Variants in RAB3B observed in about 807,000 individuals in gnomAD.
The protein encoded by RAB3B is RAB3B, member RAS oncogene family, also known as ras-related protein Rab-3B.
RAB3B carries 11 observed loss-of-function variants against 20.5 expected under a neutral mutation model. The ratio of observed to expected loss-of-function variants is 0.54; its 90% CI spans 0.34 to 0.89. The LOEUF (loss-of-function observed/expected upper bound fraction) is 0.89. RAB3B is among the 40% of genes least tolerant of loss of function. The pLI is 0.02. For missense variants in RAB3B, 225 were observed against 280.9 expected, an observed-to-expected ratio of 0.80 and a Z score of 1.42; for synonymous variants, 99 against 106.3, an observed-to-expected ratio of 0.93 and a Z score of 0.42.
chr1:51,915,208 A>C lies in RAB3B; in HGVS notation c.*4719T>G, dbSNP rs1684065382. 6.6e-6 allele frequency: 1 copy of C among 152,166 alleles called. No homozygotes were observed. Among genetic ancestry groups the C allele is most frequent in the African/African-American group, 2.4e-5 (1 of 41,420 alleles). 9.4% of individuals were successfully genotyped at this position (152,166 alleles called of 1,614,324 possible). ...ATTGGGATAATAATATTTTAGAAACAGCATCTCCATTAGATCATAGGACCT... is the reference window on the plus strand; with the variant it reads ...ATTGGGATAATAATATTTTAGAAACCGCATCTCCATTAGATCATAGGACCT... On this transcript the variant is annotated 3_prime_UTR_variant, in exon 5 of 5. Transcript: ENST00000371655.
intron 2 of RAB3B, among the ~76,000 whole-genome samples, chr1:51,940,465 A>G (rs1477828765): frequency 6.6e-6 from 1 of 152,134 alleles, no homozygotes; most frequent in Non-Finnish European, 1.5e-5. Context: ...TGTATTAAAA[A>G]TACAAAAGTT....
chr1:51,971,654 G>A (rs1342317696), intron 2 of RAB3B, among the ~76,000 whole-genome samples: 1 of 151,822 alleles, frequency 6.6e-6, no homozygotes, highest in East Asian at 1.9e-4. Context: ...GGCTAGTCTC[G>A]AACTCCTGAC....
chr1:51,963,583 A>G (rs1160005921), intron 2 of RAB3B, among the ~76,000 whole-genome samples: 3 of 152,212 alleles, frequency 2.0e-5, no homozygotes, highest in African/African-American at 7.2e-5. Context: ...CTAATCAGCA[A>G]TCAAATTACA....
chr1:51,923,412 G>A (rs1382197978), intron 4 of RAB3B, among the ~76,000 whole-genome samples: 1 of 152,074 alleles, frequency 6.6e-6, no homozygotes, highest in Non-Finnish European at 1.5e-5. Context: ...GTGAGGATGT[G>A]AGCCTTTAAA....
At chr1:51,972,719 C>T (rs968981289) in intron 2 of RAB3B, among the ~76,000 whole-genome samples, 5 of 151,992 alleles carry the variant, frequency 3.3e-5, no homozygotes, top group African/African-American at 4.8e-5. Context: ...GAAGGCAGCC[C>T]GAGGGGAGAG....
intron 4 of RAB3B, among the ~76,000 whole-genome samples, chr1:51,922,754 T>A (rs1684189371): frequency 6.6e-6 from 1 of 151,986 alleles, no homozygotes; most frequent in Non-Finnish European, 1.5e-5. Context: ...TGGAGTGCAG[T>A]GGCACAATCT....
At chr1:51,957,048 T>C (rs1684716555) in intron 2 of RAB3B, among the ~76,000 whole-genome samples, 1 of 152,098 alleles carries the variant, frequency 6.6e-6, no homozygotes, top group Non-Finnish European at 1.5e-5. Context: ...GTGGTTTTTA[T>C]GTAAAGTCTA....
At chr1:51,965,596 G>A (rs1214058157) in intron 2 of RAB3B, among the ~76,000 whole-genome samples, 2 of 150,924 alleles carry the variant, frequency 1.3e-5, no homozygotes, top group East Asian at 3.9e-4. Flanking sequence ...GCAGTGAGCC[G>A]AGAATGTACC....
At chr1:51,928,030 C>G (rs1684268382) in intron 4 of RAB3B, among the ~76,000 whole-genome samples, 1 of 152,172 alleles carries the variant, frequency 6.6e-6, no homozygotes, top group African/African-American at 2.4e-5. Context: ...CAAACACCCA[C>G]CTGCCTCAGC....
intron 2 of RAB3B, among the ~76,000 whole-genome samples, chr1:51,953,917 G>A (rs1684673535): frequency 6.6e-6 from 1 of 152,080 alleles, no homozygotes; most frequent in Non-Finnish European, 1.5e-5. Flanking sequence ...TACTGAATTA[G>A]CTAAACTAAA....
chr1:51,980,481 G>T, intron 1 of RAB3B: 1 of 654,712 alleles, frequency 1.5e-6, no homozygotes, highest in Non-Finnish European at 2.8e-6. Flanking sequence ...AGATGACAAA[G>T]AAAAGAAGGA....
intron 2 of RAB3B, among the ~76,000 whole-genome samples, chr1:51,958,596 G>A (rs972319276): frequency 6.6e-6 from 1 of 152,182 alleles, no homozygotes; most frequent in Non-Finnish European, 1.5e-5. Flanking sequence ...GGAGGCGCAT[G>A]CCTGTAATCC....
chr1:51,960,661 C>T (rs1443810003), intron 2 of RAB3B, among the ~76,000 whole-genome samples: 1 of 152,190 alleles, frequency 6.6e-6, no homozygotes, highest in African/African-American at 2.4e-5. Context: ...CTAGGAGAAT[C>T]TCCAGCCTTA....
chr1:51,983,407 T>C (rs1035226815), intron 1 of RAB3B, among the ~76,000 whole-genome samples: 7 of 152,190 alleles, frequency 4.6e-5, no homozygotes, highest in African/African-American at 1.7e-4. Context: ...TGTGTTACAA[T>C]TGCCTGCTAC....
chr1:51,987,184 G>A (rs911502806), intron 1 of RAB3B, among the ~76,000 whole-genome samples: 9 of 152,206 alleles, frequency 5.9e-5, no homozygotes, highest in Non-Finnish European at 1.0e-4. Flanking sequence ...AGGAAAGAGC[G>A]GGGAGGAGGA....
rs917819665 is a variant in RAB3B at position 51,914,903 on chromosome 1, T to C, written c.*5024A>G. 1 of 152,146 alleles carries C rather than the reference T, an allele frequency of 6.6e-6. No individual in the cohort carries two copies. The allele number at this position is 152,146 out of a possible 1,614,324, so 9.4% of individuals were successfully genotyped here. On this transcript the variant is annotated 3_prime_UTR_variant, in exon 5 of 5. Coordinates refer to ENST00000371655, the MANE Select transcript of RAB3B (RefSeq NM_002867.4). ...TAGTGGCCGGCAGGAGCAGGTGATA[T>C]GAGTTGGGGAGTCAGGTCTGGAGAA... is the stretch of plus-strand genomic sequence containing the variant.
chr1:51,985,477 C>T (rs1024542304), intron 1 of RAB3B, among the ~76,000 whole-genome samples: 2 of 152,138 alleles, frequency 1.3e-5, no homozygotes, highest in Non-Finnish European at 2.9e-5. Flanking sequence ...CAGCTTCACA[C>T]TCTTAAACTG....
rs997582314 is a variant in RAB3B at position 51,919,174 on chromosome 1, G to C, written c.*753C>G. 2 of 150,822 alleles carry C rather than the reference G, an allele frequency of 1.3e-5. No individual in the cohort carries two copies. The highest frequency in any genetic ancestry group is 3.0e-5 in the Non-Finnish European group (2 of 67,738). 9.3% of individuals were successfully genotyped at this position (150,822 alleles called of 1,614,324 possible). A position where few individuals can be genotyped will look rare whatever the true frequency, so the allele number is the denominator to read the frequency against. On this transcript the variant is annotated 3_prime_UTR_variant, in exon 5 of 5. Coordinates refer to ENST00000371655, the MANE Select transcript of RAB3B (RefSeq NM_002867.4). ...AATTTTTTGTATTTTTAGTAGAGACGGGGTTTCACCTTGTTAGCCAGGATG... is the reference window on the plus strand; with the variant it reads ...AATTTTTTGTATTTTTAGTAGAGACCGGGTTTCACCTTGTTAGCCAGGATG...
chr1:51,975,641 C>A (rs2809932), intron 2 of RAB3B, among the ~76,000 whole-genome samples: 150,811 of 152,348 alleles, frequency 0.99, 74,665 homozygotes, highest in Middle Eastern at 1. Context: ...CAAATGGGAA[C>A]GAAGTAAGGC....
Sources: gnomAD v4.1 joint callset for allele counts (sites outside exome capture counted in the v4.1 genomes callset) on GRCh38, gnomAD v4.1.1 for gene constraint, MANE v1.5 for transcripts, NCBI Gene and HGNC (gene_info 2026-07-23, HGNC 2026-07-21) for gene names.